The following ITPR1 variants were observed in gnomAD, a reference collection of about 807,000 sequenced individuals.
ITPR1 encodes inositol 1,4,5-trisphosphate receptor type 1, also known as inositol 1,4,5-trisphosphate-gated calcium channel ITPR1.
In ITPR1, 96 loss-of-function variants were observed where a neutral mutation model predicts 318.4. That is an observed-to-expected ratio of 0.30 (90% confidence interval 0.26 to 0.36). The LOEUF is 0.36. ITPR1 is among the 10% of genes least tolerant of loss of function. The pLI is 1.00. For missense variants in ITPR1, 2,440 were observed against 3,460.2 expected, an observed-to-expected ratio of 0.71 and a Z score of 7.40; for synonymous variants, 1,312 against 1,289.9, an observed-to-expected ratio of 1.02 and a Z score of -0.37.
chr3:4,815,531 C>T (rs1164361506), intron 59 of ITPR1, among the ~76,000 whole-genome samples: 2 of 152,116 alleles, frequency 1.3e-5, no homozygotes, highest in African/African-American at 4.8e-5. Context: ...AATAACATGT[C>T]CTTCTCTGCA....
chr3:4,685,061 T>C lies in ITPR1; in HGVS notation c.3565-8T>C. The C allele has an allele frequency of 1.2e-6, 2 of 1,606,490 alleles. No homozygotes were observed. The highest frequency in any genetic ancestry group is 1.1e-5 in the South Asian group (1 of 89,678). On this transcript the variant is annotated splice_region_variant and splice_polypyrimidine_tract_variant and intron_variant, in intron 29 of 61. Coordinates refer to ENST00000649015, the MANE Select transcript of ITPR1 (RefSeq NM_001378452.1). ...GTTTTCTGAGACTGATTTCTTTCAT[T>C]CTACTAGATTTTGATTCGGCTTAGC...
At chr3:4,755,645 G>T (rs938361557) in intron 44 of ITPR1, among the ~76,000 whole-genome samples, 1 of 152,172 alleles carries the variant, frequency 6.6e-6, no homozygotes, top group Non-Finnish European at 1.5e-5. Flanking sequence ...TGACCCTGGA[G>T]CTTAGGCCGT....
At chr3:4,816,110 A>G (rs1248311162) in intron 59 of ITPR1, 1 of 152,124 alleles carries the variant, frequency 6.6e-6, no homozygotes, top group Non-Finnish European at 1.5e-5. Context: ...TTGTGTATCT[A>G]CAGTATAATT....
intron 55 of ITPR1, among the ~76,000 whole-genome samples, chr3:4,809,654 A>G (rs2048811382): frequency 6.6e-6 from 1 of 152,146 alleles, no homozygotes. Flanking sequence ...TTCCAATTAG[A>G]AGAAAGCTTT....
chr3:4,814,306 CTTAATT>C (rs1236894323), intron 57 of ITPR1, 111 bp from the exon 58 acceptor site: 35 of 1,170,918 alleles, frequency 3.0e-5, no homozygotes, highest in Non-Finnish European at 4.5e-5. Context: ...CTCTTGATTC[CTTAATT>C]TTATTCTTTC....
At chr3:4,641,033 A>C (rs2093325806) in intron 6 of ITPR1, among the ~76,000 whole-genome samples, 1 of 152,160 alleles carries the variant, frequency 6.6e-6, no homozygotes, top group African/African-American at 2.4e-5. Flanking sequence ...CTGTTCGGGG[A>C]TTTGGAGGAC....
chr3:4,574,716 C>A (rs547305711), intron 4 of ITPR1, among the ~76,000 whole-genome samples: 1 of 152,234 alleles, frequency 6.6e-6, no homozygotes, highest in African/African-American at 2.4e-5. Context: ...AAATGGTCTT[C>A]CATGCTGTGG....
At chr3:4,680,842 C>T (rs1385614299) in intron 25 of ITPR1, among the ~76,000 whole-genome samples, 151 bp downstream of exon 25, 3 of 152,176 alleles carry the variant, frequency 2.0e-5, no homozygotes, top group Non-Finnish European at 4.4e-5. Flanking sequence ...TCTTTTTGAG[C>T]AAGTGAATAA....
At chr3:4,747,198 G>A (rs2044171363) in intron 44 of ITPR1, among the ~76,000 whole-genome samples, 1 of 152,184 alleles carries the variant, frequency 6.6e-6, no homozygotes, top group Non-Finnish European at 1.5e-5. Context: ...GTGGTAACAA[G>A]TGCTCATGTA....
intron 42 of ITPR1, among the ~76,000 whole-genome samples, chr3:4,731,511 T>G (rs181698756): frequency 1.2e-4 from 18 of 152,324 alleles, no homozygotes; most frequent in African/African-American, 4.3e-4. Context: ...GAGAGGCATA[T>G]TTGTGGGTGG....
chr3:4,589,338 G>A (rs11709910), intron 4 of ITPR1, among the ~76,000 whole-genome samples: 7,881 of 152,176 alleles, frequency 0.052, 293 homozygotes, highest in Middle Eastern at 0.092. Context: ...CCCATTTCAT[G>A]ACCCAGTTTC....
chr3:4,747,814 CT>C (rs1202695343), intron 44 of ITPR1, among the ~76,000 whole-genome samples: 1 of 152,212 alleles, frequency 6.6e-6, no homozygotes, highest in Non-Finnish European at 1.5e-5. Context: ...AGCAGCTCAT[CT>C]AATTAGGGCC....
At chr3:4,679,152 C>T (rs181570939) in intron 24 of ITPR1, among the ~76,000 whole-genome samples, 49 of 152,160 alleles carry the variant, frequency 3.2e-4, no homozygotes, top group Non-Finnish European at 6.2e-4. Context: ...GATGTGTGTC[C>T]AGGAAGGAGG....
chr3:4,782,508 C>T (rs552158887), intron 49 of ITPR1, 111 bp from the exon 50 acceptor site: 25 of 1,147,958 alleles, frequency 2.2e-5, no homozygotes, highest in African/African-American at 7.9e-5. Flanking sequence ...GGAGAGAGTG[C>T]GGAACAGCCT....
intron 44 of ITPR1, among the ~76,000 whole-genome samples, chr3:4,744,612 G>A (rs1324552156): frequency 3.3e-5 from 5 of 152,232 alleles, no homozygotes; most frequent in South Asian, 2.1e-4. Flanking sequence ...CCCTCAGCGT[G>A]TGAAATGTTT....
At chr3:4,706,829 A>T (rs2094768633) in intron 37 of ITPR1, among the ~76,000 whole-genome samples, 1 of 152,224 alleles carries the variant, frequency 6.6e-6, no homozygotes, top group Non-Finnish European at 1.5e-5. Flanking sequence ...GAATCTACCA[A>T]GACATCTGCT....
intron 34 of ITPR1, among the ~76,000 whole-genome samples, chr3:4,697,761 A>G (rs922180896): frequency 6.6e-6 from 1 of 152,006 alleles, no homozygotes; most frequent in African/African-American, 2.4e-5. Context: ...CATTCTTCCT[A>G]CCTTTTGCTC....
chr3:4,616,683 G>C (rs1456220714), intron 4 of ITPR1, among the ~76,000 whole-genome samples: 1 of 152,182 alleles, frequency 6.6e-6, no homozygotes, highest in Non-Finnish European at 1.5e-5. Flanking sequence ...TTCTGAAAGA[G>C]AAGGGACTAT....
In ITPR1 at chr3:4,675,129, G is replaced by A. The variant is rs764017323; in HGVS notation, c.2660G>A (p.Arg887Gln). Residue 887 changes from arginine to glutamine, a missense_variant, in exon 23 of 62, where the codon CGA becomes CAA. This residue lies in a region of ITPR1 where 478 missense variants were observed against 696.3 expected (regional missense o/e 0.69). Coordinates refer to ENST00000649015, the MANE Select transcript of ITPR1 (RefSeq NM_001378452.1). ...FGFYNFSDLL[R>Q]LTKILLAILD... ...TTCTACAACTTCTCTGACCTTCTAC[G>A]ATTAACTAAGATCCTTCTGGCCATA... The A allele has an allele frequency of 1.4e-5, 22 of 1,607,358 alleles. No homozygotes were observed. The highest frequency in any genetic ancestry group is 1.9e-5 in the Non-Finnish European group (22 of 1,174,396).
Sources: allele counts gnomAD v4.1 joint callset (sites outside exome capture counted in the v4.1 genomes callset), GRCh38; gene constraint gnomAD v4.1.1; regional missense constraint gnomAD v4.1.1; transcripts MANE v1.5; gene names NCBI Gene and HGNC (gene_info 2026-07-23, HGNC 2026-07-21).